RIMS1: variants seen among roughly 807,000 people sequenced by gnomAD.
The protein encoded by RIMS1 is regulating synaptic membrane exocytosis protein 1.
A neutral mutation model predicts 214.1 loss-of-function variants in RIMS1; 83 were observed. The ratio of observed to expected loss-of-function variants is 0.39; its 90% CI spans 0.32 to 0.47. The LOEUF (loss-of-function observed/expected upper bound fraction) is 0.47. Ranked by LOEUF, RIMS1 falls within the 20% of genes least tolerant of loss-of-function variation. The probability of loss-of-function intolerance (pLI) is 0.99; values close to 1 mark genes in which losing one functional copy is unlikely to be tolerated. For synonymous variants in RIMS1, 793 were observed against 786.8 expected (o/e 1.01, Z -0.13); for missense variants, 2,050 against 2,161.8 (o/e 0.95, Z 1.03).
At chr6:72,292,624 C>T (rs868008824) in intron 26 of RIMS1, among the ~76,000 whole-genome samples, 5 of 151,978 alleles carry the variant, frequency 3.3e-5, no homozygotes, top group African/African-American at 9.7e-5. Context: ...AGAATGTATA[C>T]GGTCTGATTT....
chr6:72,138,244 T>C lies in RIMS1; in HGVS notation c.471+38258T>C, dbSNP rs550878358. ...AAAGAAGTTAATTGATATATACAAA[T>C]GAAACTTATTATTTTCAAATGTACA... On this transcript the variant is annotated intron_variant, in intron 4 of 33. Coordinates refer to ENST00000521978, the MANE Select transcript of RIMS1 (RefSeq NM_014989.7). Among the ~76,000 whole-genome samples the C allele has an allele frequency of 1.4e-4, 21 of 152,334 alleles. No individual in the cohort carries two copies. In the South Asian group the frequency reaches 4.3e-3, roughly 32 times the overall value.
chr6:72,121,880 C>T lies in RIMS1; in HGVS notation c.471+21894C>T, dbSNP rs145401898. On this transcript the variant is annotated intron_variant, in intron 4 of 33. Transcript: ENST00000521978. ...AGGATAAAGGGCTGTTGAATTTTGT[C>T]GAAGGACTTTTCTGCACCTATTGAG... Among the ~76,000 whole-genome samples, 367 of 151,856 alleles carry T rather than the reference C, an allele frequency of 2.4e-3. 4 individuals carry two copies. Among genetic ancestry groups the T allele is most frequent in the African/African-American group, 6.2e-3 (256 of 41,486 alleles).
rs567698337 is a variant in RIMS1, at chr6:72,115,908, G to A, written c.471+15922G>A. Among the ~76,000 whole-genome samples the A allele has an allele frequency of 3.3e-5, 5 of 151,898 alleles. No individual in the cohort carries two copies. The South Asian group carries it at 1.0e-3, about 31-fold the overall frequency. On this transcript the variant is annotated intron_variant, in intron 4 of 33. Coordinates refer to ENST00000521978, the MANE Select transcript of RIMS1 (RefSeq NM_014989.7). ...ATATTTCATTCTAAATTGTGTTACAGATATAATTGTACATGTTTAAACATA... is the reference window on the plus strand; with the variant it reads ...ATATTTCATTCTAAATTGTGTTACAAATATAATTGTACATGTTTAAACATA...
At chr6:72,178,681 A>G (rs536918228) in intron 4 of RIMS1, among the ~76,000 whole-genome samples, 1 of 152,354 alleles carries the variant, frequency 6.6e-6, no homozygotes, top group Non-Finnish European at 1.5e-5. Flanking sequence ...AAGACAGCTC[A>G]TGGAGCTGTT....
chr6:71,975,817 A>G (rs1796982175), intron 2 of RIMS1, among the ~76,000 whole-genome samples: 1 of 152,042 alleles, frequency 6.6e-6, no homozygotes, highest in Non-Finnish European at 1.5e-5. Flanking sequence ...AAATGGAATC[A>G]TATTATATGT....
At chr6:72,399,922 T>G (rs2098821881) in intron 33 of RIMS1, among the ~76,000 whole-genome samples, 2 of 152,182 alleles carry the variant, frequency 1.3e-5, no homozygotes, top group East Asian at 3.8e-4. Context: ...ATTGAAATAT[T>G]AATCATCTAA....
At chr6:72,344,818 G>C (rs1343866100) in intron 29 of RIMS1, among the ~76,000 whole-genome samples, 1 of 151,726 alleles carries the variant, frequency 6.6e-6, no homozygotes, top group Non-Finnish European at 1.5e-5. Flanking sequence ...GCTGGTCTAT[G>C]TTTGTTCTTT....
At position 72,160,052 on chromosome 6, in the gene RIMS1, C is replaced by G. The variant is rs1437169521; in HGVS notation, c.472-19523C>G. ...GAATGTTCTTCCATTTGTTTGTATC[C>G]TCTTTTATTTCATTGAGCAGTGGTT... On this transcript the variant is annotated intron_variant, in intron 4 of 33. Transcript: ENST00000521978. 5.6e-5 allele frequency among the ~76,000 whole-genome samples: 7 copies of G among 125,952 alleles called. 1 individual carries two copies. The highest frequency in any genetic ancestry group is 9.0e-5 in the Non-Finnish European group (5 of 55,488). 82.6% of individuals were successfully genotyped at this position (125,952 alleles called of 152,430 possible).
chr6:72,135,666 C>T (rs763303281), intron 4 of RIMS1, among the ~76,000 whole-genome samples: 2 of 152,156 alleles, frequency 1.3e-5, no homozygotes, highest in African/African-American at 2.4e-5. Context: ...AAAGCAGCTA[C>T]ATCACAGGGA....
In RIMS1 at chr6:72,313,572, G is replaced by A. The variant is rs1245108048; in HGVS notation, c.4030G>A (p.Val1344Ile). ...NVSAKSSDSD[V>I]SDVSAISRTS... Reference sequence around the variant, plus strand: ...CTCTGCCAAATCATCAGATAGTGATGTCAGTGATGTTTCCGCCATTTCCCG... The same window carrying A: ...CTCTGCCAAATCATCAGATAGTGATATCAGTGATGTTTCCGCCATTTCCCG... Residue 1344 changes from valine (V) to isoleucine (I), a missense_variant, in exon 28 of 34, where the codon GTC (valine) becomes ATC (isoleucine). Coordinates refer to ENST00000521978, the MANE Select transcript of RIMS1 (RefSeq NM_014989.7). 5 of 1,613,770 alleles carry A rather than the reference G, an allele frequency of 3.1e-6. No homozygotes were observed. The South Asian group carries it at 5.5e-5, about 18-fold the overall frequency.
chr6:72,175,516 T>C (rs531777515), intron 4 of RIMS1: 2 of 178,900 alleles, frequency 1.1e-5, no homozygotes, highest in East Asian at 3.2e-4. Flanking sequence ...CTACTAAAAA[T>C]ACAAAAATTA....
intron 1 of RIMS1, among the ~76,000 whole-genome samples, chr6:71,892,616 A>G (rs1222000089): frequency 6.6e-6 from 1 of 152,226 alleles, no homozygotes; most frequent in South Asian, 2.1e-4. Context: ...CTAATACCAT[A>G]GCATTTTCCC....
At chr6:71,900,992 G>T (rs1379795419) in intron 1 of RIMS1, among the ~76,000 whole-genome samples, 1 of 152,080 alleles carries the variant, frequency 6.6e-6, no homozygotes, top group African/African-American at 2.4e-5. Flanking sequence ...AATGGCCAGA[G>T]ATATAGGATA....
At chr6:72,355,188 C>G (rs2097583287) in intron 29 of RIMS1, among the ~76,000 whole-genome samples, 2 of 152,104 alleles carry the variant, frequency 1.3e-5, no homozygotes, top group Admixed American at 6.5e-5. Flanking sequence ...AAGGGACATA[C>G]AACTATCTTC....
At chr6:72,366,912 T>C in intron 29 of RIMS1, 1 of 946,462 alleles carries the variant, frequency 1.1e-6, no homozygotes, top group Non-Finnish European at 1.3e-6. Flanking sequence ...ATAAGGGGAG[T>C]TTGTTTATTT....
At chr6:72,009,620 C>A (rs1442566906) in intron 2 of RIMS1, among the ~76,000 whole-genome samples, 1 of 149,906 alleles carries the variant, frequency 6.7e-6, no homozygotes, top group Non-Finnish European at 1.5e-5. Context: ...CAAATAGACT[C>A]AATAAAAAAA....
intron 2 of RIMS1, among the ~76,000 whole-genome samples, chr6:71,979,618 A>G (rs1157666698): frequency 6.6e-6 from 1 of 152,112 alleles, no homozygotes; most frequent in East Asian, 1.9e-4. Context: ...CAATTTGAGA[A>G]TAATTTTTTT....
intron 30 of RIMS1, among the ~76,000 whole-genome samples, chr6:72,392,284 A>G (rs1041420480): frequency 9.2e-5 from 14 of 152,238 alleles, no homozygotes; most frequent in African/African-American, 3.1e-4. Flanking sequence ...AACTTGAACT[A>G]TGTTATAACA....
At chr6:71,977,791 G>A (rs2151443678) in intron 2 of RIMS1, among the ~76,000 whole-genome samples, 1 of 152,230 alleles carries the variant, frequency 6.6e-6, no homozygotes, top group Non-Finnish European at 1.5e-5. Context: ...CCCAGAGAAA[G>A]CAAGTGAGTA....
Sources: gnomAD v4.1 joint callset for allele counts (sites outside exome capture counted in the v4.1 genomes callset) on GRCh38, gnomAD v4.1.1 for gene constraint, MANE v1.5 for transcripts, NCBI Gene and HGNC (gene_info 2026-07-23, HGNC 2026-07-21) for gene names.